Variants in FEM1C observed in about 807,000 individuals in gnomAD.
The protein encoded by FEM1C is protein fem-1 homolog C.
Under a neutral mutation model 37.6 loss-of-function variants are expected in FEM1C, and 15 were observed. The ratio of observed to expected loss-of-function variants is 0.40; its 90% CI spans 0.27 to 0.61. FEM1C has a LOEUF of 0.61. Among genes scored for constraint, FEM1C ranks in the 20% least tolerant of loss-of-function variants. The pLI, the probability that FEM1C is intolerant of heterozygous loss-of-function variation, is 0.42. For synonymous variants in FEM1C, 287 were observed against 272.8 expected (o/e 1.05, Z -0.51); for missense variants, 532 against 749.7 (o/e 0.71, Z 3.39).
At chr5:115,541,579 G>A (rs1026248021) in intron 2 of FEM1C, among the ~76,000 whole-genome samples, 1 of 152,078 alleles carries the variant, frequency 6.6e-6, no homozygotes, top group Non-Finnish European at 1.5e-5. Context: ...TCACACAAGC[G>A]TGAAAAGACA....
At position 115,525,140 on chromosome 5, in the gene FEM1C, A is replaced by G; in HGVS notation, c.1022T>C (p.Ile341Thr). 6.2e-7 allele frequency: 1 copy of G among 1,613,744 alleles called. No individual in the cohort carries two copies. The highest frequency in any genetic ancestry group is 8.5e-7 in the Non-Finnish European group (1 of 1,179,842). ...TGCATAGACAGCGCCTCTATATCTA[A>G]TATAGTAAGAGGTATCAGGATGAGA... ...GPSHPDTSYY[I>T]RYRGAVYADS... Residue 341 changes from isoleucine (I) to threonine (T), a missense_variant, in exon 3 of 3, where the codon ATT becomes ACT. Around this residue, in one of 3 missense-constraint regions of FEM1C, gnomAD observed 221 missense variants for 404.1 expected, o/e 0.55. Coordinates refer to ENST00000274457, the MANE Select transcript of FEM1C (RefSeq NM_020177.3).
At chr5:115,536,496 T>C (rs1754131199) in intron 2 of FEM1C, among the ~76,000 whole-genome samples, 1 of 151,730 alleles carries the variant, frequency 6.6e-6, no homozygotes, top group South Asian at 2.1e-4. Flanking sequence ...AATTGCACAA[T>C]AATGCTGATT....
In FEM1C at chr5:115,542,873, C is replaced by G. The variant is rs1056646624; in HGVS notation, c.544+77G>C. Reference sequence around the variant, plus strand: ...TCTGTCAATGCTGGTTTACTCAACACCAGTGCTTATAATGATGTATCAAAC... The same window carrying G: ...TCTGTCAATGCTGGTTTACTCAACAGCAGTGCTTATAATGATGTATCAAAC... On this transcript the variant is annotated intron_variant, in intron 2 of 2. Transcript: ENST00000274457. 7.9e-6 allele frequency: 12 copies of G among 1,526,134 alleles called. No individual in the cohort carries two copies. The African/African-American group carries it at 1.4e-4, about 18-fold the overall frequency. The allele number at this position is 1,526,134 out of a possible 1,614,324, so 94.5% of individuals were successfully genotyped here. A position where few individuals can be genotyped will look rare whatever the true frequency, so the allele number is the denominator to read the frequency against.
Position 115,525,049 on chromosome 5 carries a change from A to G in FEM1C, c.1113T>C (p.Asn371=). 6.2e-7 allele frequency: 1 copy of G among 1,613,746 alleles called. No homozygotes were observed. The highest frequency in any genetic ancestry group is 8.5e-7 in the Non-Finnish European group (1 of 1,179,834). The change falls in exon 3 of 3, where the codon AAT becomes AAC. Residue 371 remains asparagine (N), a synonymous_variant. Transcript: ENST00000274457. ...WKYALDMQQS[N]LDPLSPMTAS... ...CGGTCATTGGGCTTAAAGGATCCAA[A>G]TTGCTCTGCTGCATATCCAAAGCAT... is the stretch of plus-strand genomic sequence containing the variant.
chr5:115,541,874 C>G (rs1754249272), intron 2 of FEM1C, among the ~76,000 whole-genome samples: 1 of 151,956 alleles, frequency 6.6e-6, no homozygotes, highest in Non-Finnish European at 1.5e-5. Flanking sequence ...TTGCATAGAC[C>G]AACTCTAAAA....
In FEM1C at chr5:115,524,639, A is replaced by G. The variant is rs1285267919; in HGVS notation, c.1523T>C (p.Leu508Pro). 1 of 1,578,752 alleles carries G rather than the reference A, an allele frequency of 6.3e-7. No individual in the cohort carries two copies. The highest frequency in any genetic ancestry group is 8.6e-7 in the Non-Finnish European group (1 of 1,165,400). ...GRYPVCKFPS[L>P]QVTAILIECG... ...TTCTATCAGTATTGCAGTAACTTGT[A>G]GAGATGGAAATTTACAAACAGGGTA... The change falls in exon 3 of 3, where the codon CTA becomes CCA. Residue 508 changes from leucine to proline, a missense_variant. Around this residue, in one of 3 missense-constraint regions of FEM1C, gnomAD observed 237 missense variants for 260.5 expected, o/e 0.91. Transcript: ENST00000274457.
intron 2 of FEM1C, among the ~76,000 whole-genome samples, chr5:115,537,723 T>A (rs1754157399): frequency 6.6e-6 from 1 of 152,100 alleles, no homozygotes; most frequent in Non-Finnish European, 1.5e-5. Context: ...TATATTAGAA[T>A]AAGTCCCTCC....
At chr5:115,526,605 G>A (rs773970244) in intron 2 of FEM1C, among the ~76,000 whole-genome samples, 2 of 152,052 alleles carry the variant, frequency 1.3e-5, no homozygotes, top group Non-Finnish European at 2.9e-5. Context: ...TTTACTAATC[G>A]TCAAAATAGG....
rs529016884 is a variant in FEM1C, at chr5:115,527,016, ATATG to A, written c.545-1403_545-1400del. Among the ~76,000 whole-genome samples the A allele has an allele frequency of 8.0e-4, 121 of 152,170 alleles. 1 individual carries two copies. Among genetic ancestry groups the A allele is most frequent in the African/African-American group, 2.5e-3 (103 of 41,544 alleles). The stretch of plus-strand genomic sequence containing the variant: ...GTTTTCCTTGGTAGAAACATGACAC[ATATG>A]TATTTACATTACTGGGGAAGAATAT... On this transcript the variant is annotated intron_variant, in intron 2 of 2. Coordinates refer to ENST00000274457, the MANE Select transcript of FEM1C (RefSeq NM_020177.3).
rs1291159178 is a variant in FEM1C, at chr5:115,543,335, G to A, written c.159C>T (p.His53=). 1.2e-6 allele frequency: 2 copies of A among 1,614,204 alleles called. No homozygotes were observed. The highest frequency in any genetic ancestry group is 3.3e-5 in the Admixed American group (2 of 60,026). Residue 53 remains histidine (H), a synonymous_variant, in exon 2 of 3, where the codon CAC becomes CAT. Transcript: ENST00000274457. ...TPLLMAARYG[H]LDMVEFLLEQ... is the part of the protein sequence containing the mutation. ...CTAGGAGGAATTCCACCATGTCAAG[G>A]TGCCCATACCTGGCGGCCATCAAGA...
In FEM1C at chr5:115,525,098, T is replaced by A. The variant is rs754124488; in HGVS notation, c.1064A>T (p.Lys355Ile). ...GAVYADSGNF[K>I]RCINLWKYAL... The stretch of plus-strand genomic sequence containing the variant: ...ATACTTCCATAGGTTGATGCATCGT[T>A]TGAAATTTCCAGAGTCTGCATAGAC... The change falls in exon 3 of 3, where the codon AAA (lysine) becomes ATA (isoleucine). Residue 355 changes from lysine (K) to isoleucine (I), a missense_variant. Physicochemically the swap from Lys to Ile is moderately radical, Grantham distance 102 (BLOSUM62 -3). Coordinates refer to ENST00000274457, the MANE Select transcript of FEM1C (RefSeq NM_020177.3). 1 of 1,613,716 alleles carries A rather than the reference T, an allele frequency of 6.2e-7. No individual in the cohort carries two copies. Among genetic ancestry groups the A allele is most frequent in the African/African-American group, 1.3e-5 (1 of 74,892 alleles).
chr5:115,536,102 T>C (rs566060716), intron 2 of FEM1C, among the ~76,000 whole-genome samples: 65 of 151,896 alleles, frequency 4.3e-4, no homozygotes, highest in Non-Finnish European at 7.7e-4. Flanking sequence ...TGACTCTTAA[T>C]GGATATGAGA....
chr5:115,543,974 A>G lies in FEM1C; in HGVS notation c.-190-291T>C. The G allele has an allele frequency of 3.0e-6, 3 of 985,314 alleles. No individual in the cohort carries two copies. The South Asian group carries it at 1.4e-4, about 46-fold the overall frequency. 61.0% of individuals were successfully genotyped at this position (985,314 alleles called of 1,614,324 possible). A position where few individuals can be genotyped will look rare whatever the true frequency, so the allele number is the denominator to read the frequency against. ...GCTCTAACCAGCCAAGCTTTGTTCT[A>G]GTTTTGCTTTGCACACGCCCAGGGA... On this transcript the variant is annotated intron_variant, in intron 1 of 2. Coordinates refer to ENST00000274457, the MANE Select transcript of FEM1C (RefSeq NM_020177.3).
rs757782894 is a variant in FEM1C at position 115,525,294 on chromosome 5, G to C, written c.868C>G (p.Gln290Glu). 5 of 1,613,724 alleles carry C rather than the reference G, an allele frequency of 3.1e-6. No homozygotes were observed. Among genetic ancestry groups the C allele is most frequent in the Non-Finnish European group, 4.2e-6 (5 of 1,179,838 alleles). The change falls in exon 3 of 3, where the codon CAG becomes GAG. Residue 290 changes from glutamine (Q) to glutamate (E), a missense_variant. Coordinates refer to ENST00000274457, the MANE Select transcript of FEM1C (RefSeq NM_020177.3). ...RTNIISKPVPQTLIMAYDYAK... is the reference protein window; with the variant it reads ...RTNIISKPVPETLIMAYDYAK... Reference sequence around the variant, plus strand: ...TAATCATAAGCCATTATTAGTGTCTGTGGCACTGGTTTACTAATAATATTA... The same window carrying C: ...TAATCATAAGCCATTATTAGTGTCTCTGGCACTGGTTTACTAATAATATTA...
rs941774292 is a variant in FEM1C, at chr5:115,544,627, C to G, written c.-295G>C. ...CACCGCCGCCCGGGCCGCCCTGCTC[C>G]GCCTGCGGCCGCACAGCTCCTCCAT... On this transcript the variant is annotated 5_prime_UTR_variant, in exon 1 of 3. Transcript: ENST00000274457. The G allele has an allele frequency of 1.9e-5, 3 of 154,364 alleles. No individual in the cohort carries two copies. The Admixed American group carries it at 2.0e-4, about 10-fold the overall frequency. 9.6% of individuals were successfully genotyped at this position (154,364 alleles called of 1,614,324 possible).
chr5:115,536,487 A>G (rs1754130921), intron 2 of FEM1C, among the ~76,000 whole-genome samples: 1 of 151,836 alleles, frequency 6.6e-6, no homozygotes, highest in Non-Finnish European at 1.5e-5. Context: ...GTGTGGTTCA[A>G]TTGCACAATA....
chr5:115,525,747 T>C, intron 2 of FEM1C, 130 bp from the exon 3 acceptor site: 1 of 680,686 alleles, frequency 1.5e-6, no homozygotes, highest in South Asian at 2.9e-5. Flanking sequence ...ATACTTGGTT[T>C]ACAAACGAGA....
intron 2 of FEM1C, 29 bp downstream of exon 2, chr5:115,542,921 A>C (rs776323442): frequency 6.3e-7 from 1 of 1,587,694 alleles, no homozygotes; most frequent in Admixed American, 1.8e-5. Context: ...AGTGGTAGAC[A>C]TTTAGAAAAA....
intron 2 of FEM1C, among the ~76,000 whole-genome samples, chr5:115,536,729 C>G (rs533681497): frequency 1.3e-5 from 2 of 152,046 alleles, no homozygotes; most frequent in Non-Finnish European, 2.9e-5. Flanking sequence ...TGTGCCAAGA[C>G]TACTTACTAT....
Sources: allele counts gnomAD v4.1 joint callset (sites outside exome capture counted in the v4.1 genomes callset), GRCh38; gene constraint gnomAD v4.1.1; regional missense constraint gnomAD v4.1.1; transcripts MANE v1.5; gene names NCBI Gene and HGNC (gene_info 2026-07-23, HGNC 2026-07-21).